The following CSMD3 variants were observed in gnomAD, a reference collection of about 807,000 sequenced individuals.
The protein encoded by CSMD3 is CUB and sushi domain-containing protein 3.
CSMD3 carries 177 observed loss-of-function variants against 435.2 expected under a neutral mutation model. The observed-to-expected ratio is 0.41, with a 90% CI of 0.36 to 0.46. The LOEUF (loss-of-function observed/expected upper bound fraction) is 0.46, where lower values mean the gene tolerates loss of function less well. Ranked by LOEUF, CSMD3 falls within the 20% of genes least tolerant of loss-of-function variation. CSMD3 has a pLI of 0.34. For synonymous variants in CSMD3, 1,656 were observed against 1,520.5 expected, an observed-to-expected ratio of 1.09 and a Z score of -2.07; for missense variants, 4,265 against 4,504.6, an observed-to-expected ratio of 0.95 and a Z score of 1.52.
intron 22 of CSMD3, among the ~76,000 whole-genome samples, chr8:112,619,094 C>T (rs1461063493): frequency 1.3e-5 from 2 of 152,006 alleles, no homozygotes; most frequent in Non-Finnish European, 2.9e-5. Context: ...TAAATCAGTG[C>T]TTGGTGTGTT....
chr8:113,084,539 C>T (rs2089682988), intron 5 of CSMD3, among the ~76,000 whole-genome samples: 1 of 146,904 alleles, frequency 6.8e-6, no homozygotes, highest in African/African-American at 2.5e-5. Context: ...AAGGAATATA[C>T]AGATTCAATG....
At chr8:113,091,988 A>G (rs939062142) in intron 5 of CSMD3, among the ~76,000 whole-genome samples, 8 of 151,850 alleles carry the variant, frequency 5.3e-5, no homozygotes, top group Admixed American at 2.0e-4. Context: ...TGGTATCTAT[A>G]CCTTATTTGT....
At chr8:112,386,038 C>T (rs1413601368) in intron 36 of CSMD3, among the ~76,000 whole-genome samples, 3 of 152,006 alleles carry the variant, frequency 2.0e-5, no homozygotes, top group African/African-American at 7.3e-5. Context: ...GAAGAGAAGA[C>T]GATGTGAACA....
intron 53 of CSMD3, among the ~76,000 whole-genome samples, chr8:112,296,528 C>T (rs1445676264): frequency 6.9e-6 from 1 of 145,722 alleles, no homozygotes; most frequent in Non-Finnish European, 1.5e-5. Flanking sequence ...CCAGCCTGGG[C>T]AACAGAGCAA....
chr8:113,351,972 A>C (rs568378684), intron 1 of CSMD3, among the ~76,000 whole-genome samples: 104 of 152,208 alleles, frequency 6.8e-4, no homozygotes, highest in African/African-American at 2.4e-3. Flanking sequence ...ACCTCTTACC[A>C]CTATGGTATT....
At chr8:113,256,542 T>A (rs957150929) in intron 3 of CSMD3, among the ~76,000 whole-genome samples, 1 of 152,216 alleles carries the variant, frequency 6.6e-6, no homozygotes. Flanking sequence ...ATTGGAAATA[T>A]TGCATAACTT....
chr8:113,279,835 A>G (rs956564706), intron 2 of CSMD3, among the ~76,000 whole-genome samples: 1 of 151,746 alleles, frequency 6.6e-6, no homozygotes, highest in African/African-American at 2.4e-5. Flanking sequence ...GTAATTTCAT[A>G]TTTATGTGCA....
At chr8:113,414,263 T>A (rs1394288407) in intron 1 of CSMD3, among the ~76,000 whole-genome samples, 4 of 152,228 alleles carry the variant, frequency 2.6e-5, no homozygotes, top group Non-Finnish European at 5.9e-5. Context: ...CTTTAGACTA[T>A]ATTTAAAAAC....
intron 1 of CSMD3, among the ~76,000 whole-genome samples, chr8:113,326,412 T>A (rs1368615643): frequency 6.8e-6 from 1 of 147,862 alleles, no homozygotes; most frequent in Non-Finnish European, 1.5e-5. Context: ...AATAACATAG[T>A]TTTTTTTTTA....
intron 28 of CSMD3, among the ~76,000 whole-genome samples, chr8:112,516,258 G>A (rs971471100): frequency 3.3e-5 from 5 of 152,094 alleles, no homozygotes; most frequent in African/African-American, 4.8e-5. Flanking sequence ...TGGTAAGAGA[G>A]AGTATGTAAA....
chr8:112,939,493 CT>C (rs1197553268), intron 9 of CSMD3, among the ~76,000 whole-genome samples: 2 of 151,944 alleles, frequency 1.3e-5, no homozygotes, highest in African/African-American at 4.8e-5. Flanking sequence ...GGAAAGACAA[CT>C]TTGTGTAGAA....
chr8:112,530,786 T>C (rs775239664), intron 27 of CSMD3, among the ~76,000 whole-genome samples: 3 of 152,200 alleles, frequency 2.0e-5, no homozygotes, highest in Non-Finnish European at 4.4e-5. Context: ...TCCAAAGCCC[T>C]TGACTCCGAG....
intron 35 of CSMD3, among the ~76,000 whole-genome samples, chr8:112,398,444 CT>C (rs1831035934): frequency 6.6e-6 from 1 of 152,236 alleles, no homozygotes; most frequent in South Asian, 2.1e-4. Context: ...TGTAGCTCCA[CT>C]GGACATTTTT....
intron 5 of CSMD3, among the ~76,000 whole-genome samples, chr8:113,058,149 T>C (rs1319184439): frequency 2.6e-5 from 4 of 151,944 alleles, no homozygotes; most frequent in Non-Finnish European, 5.9e-5. Flanking sequence ...TTTACATCAG[T>C]TGGTACACAG....
intron 13 of CSMD3, among the ~76,000 whole-genome samples, chr8:112,699,611 C>T (rs900913953): frequency 3.9e-5 from 6 of 152,148 alleles, no homozygotes; most frequent in Non-Finnish European, 5.9e-5. Context: ...CATGAAAAAT[C>T]CTGGAAGACA....
At position 112,527,632 on chromosome 8, in the gene CSMD3, TA is replaced by T. The variant is rs532328629; in HGVS notation, c.4565-10408del. 4.8e-4 allele frequency among the ~76,000 whole-genome samples: 73 copies of T among 152,028 alleles called. 1 individual carries two copies. The highest frequency in any genetic ancestry group is 3.4e-3 in the Middle Eastern group (1 of 294). ...CTTTTTTTTAGGTAGGTGCACAAGG[TA>T]TTTTTTTTAAAAAAACATGTTGGGC... On this transcript the variant is annotated intron_variant, in intron 27 of 70. Coordinates refer to ENST00000297405, the MANE Select transcript of CSMD3 (RefSeq NM_198123.2).
At chr8:112,987,018 C>T (rs1181723288) in intron 6 of CSMD3, among the ~76,000 whole-genome samples, 7 of 151,944 alleles carry the variant, frequency 4.6e-5, no homozygotes, top group Admixed American at 4.6e-4. Context: ...ATATCTATAA[C>T]TATGTGGAGA....
intron 7 of CSMD3, among the ~76,000 whole-genome samples, chr8:112,962,563 A>G (rs1004816250): frequency 1.4e-4 from 21 of 152,014 alleles, no homozygotes; most frequent in African/African-American, 5.1e-4. Context: ...GAAACAGAAG[A>G]AAATTAATTG....
intron 64 of CSMD3, among the ~76,000 whole-genome samples, chr8:112,245,704 A>G (rs1013404669): frequency 3.3e-5 from 5 of 151,956 alleles, no homozygotes; most frequent in African/African-American, 1.2e-4. Context: ...CACCCAGCTA[A>G]TTTTTTATAT....
Sources: allele counts gnomAD v4.1 joint callset (sites outside exome capture counted in the v4.1 genomes callset), GRCh38; gene constraint gnomAD v4.1.1; transcripts MANE v1.5; gene names NCBI Gene and HGNC (gene_info 2026-07-23, HGNC 2026-07-21).